RIMS1: variants seen among roughly 807,000 people sequenced by gnomAD.
The protein encoded by RIMS1 is regulating synaptic membrane exocytosis protein 1.
RIMS1 carries 83 observed loss-of-function variants against 214.1 expected under a neutral mutation model. The observed-to-expected ratio is 0.39, with a 90% CI of 0.32 to 0.47. RIMS1 has a LOEUF of 0.47. Among genes scored for constraint, RIMS1 ranks in the 20% least tolerant of loss-of-function variants. The pLI is 0.99. For missense variants in RIMS1, 2,050 were observed against 2,161.8 expected (o/e 0.95, Z 1.03); for synonymous variants, 793 against 786.8 (o/e 1.01, Z -0.13).
intron 2 of RIMS1, among the ~76,000 whole-genome samples, chr6:72,023,533 G>C (rs911425613): frequency 2.5e-4 from 38 of 151,866 alleles, no homozygotes; most frequent in African/African-American, 9.2e-4. Flanking sequence ...TTTTTTTCTA[G>C]TCAATGTTTA....
At chr6:71,899,046 A>G (rs116625529) in intron 1 of RIMS1, among the ~76,000 whole-genome samples, 3,325 of 152,240 alleles carry the variant, frequency 0.022, 120 homozygotes, top group African/African-American at 0.075. Flanking sequence ...ATAATATATA[A>G]GTAAATTATT....
chr6:72,322,880 T>C (rs2096246395), intron 28 of RIMS1, among the ~76,000 whole-genome samples: 1 of 152,108 alleles, frequency 6.6e-6, no homozygotes, highest in Non-Finnish European at 1.5e-5. Context: ...CAAATTTTGC[T>C]ATAGAATTCC....
intron 1 of RIMS1, among the ~76,000 whole-genome samples, chr6:71,919,213 G>T (rs1330503284): frequency 3.3e-5 from 5 of 152,122 alleles, no homozygotes; most frequent in Non-Finnish European, 7.3e-5. Flanking sequence ...GGTGCTACTA[G>T]TGATAGTGTC....
chr6:72,344,906 T>C (rs17746679), intron 29 of RIMS1, among the ~76,000 whole-genome samples: 28,930 of 151,740 alleles, frequency 0.19, 3,458 homozygotes, highest in Middle Eastern at 0.27. Context: ...GAAAAAATTA[T>C]TGATTTCAGT....
chr6:72,262,434 A>T (rs1391727163), intron 19 of RIMS1: 1 of 984,922 alleles, frequency 1.0e-6, no homozygotes, highest in African/African-American at 1.7e-5. Flanking sequence ...GTGGACAGGT[A>T]CTACGACAAT....
At chr6:72,371,692 G>C (rs998382670) in intron 29 of RIMS1, among the ~76,000 whole-genome samples, 2 of 152,156 alleles carry the variant, frequency 1.3e-5, no homozygotes, top group Non-Finnish European at 2.9e-5. Flanking sequence ...CAGCATTCAA[G>C]AGGAAGTTAA....
chr6:72,356,516 T>C (rs2097650017), intron 29 of RIMS1, among the ~76,000 whole-genome samples: 1 of 152,106 alleles, frequency 6.6e-6, no homozygotes, highest in Non-Finnish European at 1.5e-5. Context: ...ACCTGCACTT[T>C]GGGAGTCCGA....
At position 72,054,728 on chromosome 6, in the gene RIMS1, G is replaced by C. The variant is rs1427118002; in HGVS notation, c.246-42221G>C. 2.0e-5 allele frequency among the ~76,000 whole-genome samples: 3 copies of C among 152,024 alleles called. 1 individual carries two copies. The highest frequency in any genetic ancestry group is 2.9e-5 in the Non-Finnish European group (2 of 67,976). On this transcript the variant is annotated intron_variant, in intron 2 of 33. Coordinates refer to ENST00000521978, the MANE Select transcript of RIMS1 (RefSeq NM_014989.7). Reference sequence around the variant, plus strand: ...GTTGGCTGCATAAATGTCTTCTTTTGAGAAGTGTCTGTTCATATCCTTTGC... The same window carrying C: ...GTTGGCTGCATAAATGTCTTCTTTTCAGAAGTGTCTGTTCATATCCTTTGC...
At chr6:72,106,156 T>C (rs2034698318) in intron 4 of RIMS1, among the ~76,000 whole-genome samples, 1 of 152,204 alleles carries the variant, frequency 6.6e-6, no homozygotes, top group African/African-American at 2.4e-5. Context: ...AGTTTTTTCA[T>C]ATGTAAACTT....
chr6:72,274,300 G>T, intron 22 of RIMS1, 49 bp from the exon 23 acceptor site: 3 of 1,275,106 alleles, frequency 2.4e-6, no homozygotes, highest in Non-Finnish European at 3.4e-6. Flanking sequence ...TTTATTTTAG[G>T]AGTTACTAAA....
chr6:71,998,722 T>C (rs1804223726), intron 2 of RIMS1, among the ~76,000 whole-genome samples: 1 of 152,148 alleles, frequency 6.6e-6, no homozygotes, highest in Non-Finnish European at 1.5e-5. Context: ...TATATTGTGT[T>C]CATCAATATT....
chr6:72,145,120 A>G lies in RIMS1; in HGVS notation c.472-34455A>G, dbSNP rs148641680. Among the ~76,000 whole-genome samples the G allele has an allele frequency of 2.5e-3, 383 of 152,314 alleles. 1 individual carries two copies. Among genetic ancestry groups the G allele is most frequent in the Middle Eastern group, 0.02 (6 of 294 alleles). On this transcript the variant is annotated intron_variant, in intron 4 of 33. Coordinates refer to ENST00000521978, the MANE Select transcript of RIMS1 (RefSeq NM_014989.7). Reference sequence around the variant, plus strand: ...TTATACTTGGCCTGATTATTTGCATAAAGTGCAGCAAAAATAATTATGTTT... The same window carrying G: ...TTATACTTGGCCTGATTATTTGCATGAAGTGCAGCAAAAATAATTATGTTT...
At chr6:72,083,997 C>T (rs542103409) in intron 2 of RIMS1, among the ~76,000 whole-genome samples, 1 of 152,064 alleles carries the variant, frequency 6.6e-6, no homozygotes, top group African/African-American at 2.4e-5. Context: ...CATAACAAAG[C>T]AATTTGGTGA....
chr6:72,253,911 G>A (rs1045142617), intron 16 of RIMS1, among the ~76,000 whole-genome samples: 2 of 152,048 alleles, frequency 1.3e-5, no homozygotes, highest in African/African-American at 4.8e-5. Flanking sequence ...CTGCTGCTAG[G>A]CTGGAGTACA....
At chr6:72,200,605 T>C (rs1231997595) in intron 6 of RIMS1, among the ~76,000 whole-genome samples, 1 of 152,156 alleles carries the variant, frequency 6.6e-6, no homozygotes, top group East Asian at 1.9e-4. Flanking sequence ...TCTGGTCTTA[T>C]GAAGGATAGA....
chr6:72,103,876 AC>A (rs1246913014), intron 4 of RIMS1, among the ~76,000 whole-genome samples: 3 of 152,116 alleles, frequency 2.0e-5, no homozygotes, highest in African/African-American at 7.2e-5. Flanking sequence ...TTATCATAAA[AC>A]TTTTTTTAGC....
chr6:72,093,210 G>GTATATATATATATGTATATATATATATA (rs1562294275), intron 2 of RIMS1, among the ~76,000 whole-genome samples: 10 of 56,494 alleles, frequency 1.8e-4, no homozygotes, highest in Non-Finnish European at 3.2e-4. Context: ...ATGTATGTGA[G>GTATATATATATATGTATATATATATATA]TATATATATA....
chr6:72,235,712 C>T lies in RIMS1; in HGVS notation c.1841C>T (p.Ala614Val), dbSNP rs1427438554. Reference protein sequence around the residue: ...KRTTMPKDSGALLGLKVVGGK... With the variant: ...KRTTMPKDSGVLLGLKVVGGK... ...ACAACCATGCCCAAAGACTCAGGTG[C>T]ATTGCTGGGTCTGAAAGTAAGTATG... Residue 614 changes from alanine to valine, a missense_variant, in exon 8 of 34, where the codon GCA (alanine) becomes GTA (valine). Physicochemically the swap from Ala to Val is moderately conservative, Grantham distance 64. This residue lies in a region of RIMS1 where 111 missense variants were observed against 166.2 expected (regional missense o/e 0.67). Coordinates refer to ENST00000521978, the MANE Select transcript of RIMS1 (RefSeq NM_014989.7). 2 of 1,601,162 alleles carry T rather than the reference C, an allele frequency of 1.2e-6. No homozygotes were observed. The highest frequency in any genetic ancestry group is 2.7e-5 in the African/African-American group (2 of 74,676).
intron 2 of RIMS1, among the ~76,000 whole-genome samples, chr6:72,092,277 C>G (rs1181881830): frequency 8.0e-6 from 1 of 125,220 alleles, no homozygotes; most frequent in Non-Finnish European, 1.8e-5. Flanking sequence ...CCTTCCCTCC[C>G]TCCCTCCCTC....
Sources: allele counts gnomAD v4.1 joint callset (sites outside exome capture counted in the v4.1 genomes callset), GRCh38; gene constraint gnomAD v4.1.1; regional missense constraint gnomAD v4.1.1; transcripts MANE v1.5; gene names NCBI Gene and HGNC (gene_info 2026-07-23, HGNC 2026-07-21).